Variants in SLC8A1 observed in about 807,000 individuals in gnomAD.
SLC8A1 encodes the protein sodium/calcium exchanger 1.
Under a neutral mutation model 68.3 loss-of-function variants are expected in SLC8A1, and 18 were observed. The observed-to-expected ratio is 0.26, with a 90% confidence interval of 0.18 to 0.39. SLC8A1 has a LOEUF of 0.39. SLC8A1 is among the 10% of genes least tolerant of loss of function. The pLI, the probability that SLC8A1 is intolerant of heterozygous loss-of-function variation, is 1.00. For synonymous variants in SLC8A1, 475 were observed against 415.5 expected (o/e 1.14, Z -1.74); for missense variants, 985 against 1,156.7 (o/e 0.85, Z 2.15).
At chr2:40,123,827 T>C (rs2037466399) in intron 7 of SLC8A1, among the ~76,000 whole-genome samples, 1 of 152,260 alleles carries the variant, frequency 6.6e-6, no homozygotes, top group African/African-American at 2.4e-5. Flanking sequence ...AATTGTCATT[T>C]TCCCAAGCCA....
chr2:40,195,017 G>T (rs2052685792), intron 2 of SLC8A1, among the ~76,000 whole-genome samples: 1 of 152,110 alleles, frequency 6.6e-6, no homozygotes, highest in Non-Finnish European at 1.5e-5. Context: ...GTAGAATGGA[G>T]GATAAAACAG....
At chr2:40,249,510 C>T (rs1251816886) in intron 2 of SLC8A1, among the ~76,000 whole-genome samples, 2 of 152,160 alleles carry the variant, frequency 1.3e-5, no homozygotes, top group Non-Finnish European at 2.9e-5. Flanking sequence ...GAGGCCTGTG[C>T]CACAGTCTCC....
Position 40,279,819 on chromosome 2 carries a change from A to G in SLC8A1, c.1809-101964T>C, listed in dbSNP as rs908114363. 2.0e-4 allele frequency among the ~76,000 whole-genome samples: 30 copies of G among 152,182 alleles called. 1 individual carries two copies. The highest frequency in any genetic ancestry group is 3.9e-4 in the Admixed American group (6 of 15,276). On this transcript the variant is annotated intron_variant, in intron 2 of 7. Coordinates refer to ENST00000406785, the Ensembl canonical transcript of SLC8A1. ...GAGCTCTCACGTGCCCCCAACATGC[A>G]CAGTTCACTAAAAATCTGTAGCTCA...
chr2:40,373,064 T>C (rs890627877), intron 2 of SLC8A1, among the ~76,000 whole-genome samples: 4 of 151,876 alleles, frequency 2.6e-5, no homozygotes, highest in African/African-American at 9.7e-5. Context: ...GTCCTAGCCA[T>C]AAATTGAAGA....
chr2:40,366,891 A>G (rs1053307628), intron 2 of SLC8A1, among the ~76,000 whole-genome samples: 77 of 152,198 alleles, frequency 5.1e-4, no homozygotes, highest in African/African-American at 1.8e-3. Context: ...CATGGCAGCA[A>G]CTAACAAGTT....
chr2:40,383,420 T>A (rs1392241054), intron 2 of SLC8A1, among the ~76,000 whole-genome samples: 1 of 152,080 alleles, frequency 6.6e-6, no homozygotes, highest in Non-Finnish European at 1.5e-5. Flanking sequence ...CCCAAAGACA[T>A]TTGGTGACTG....
rs539324653 is a variant in SLC8A1 at position 40,137,120 on chromosome 2, TG to T, written c.2437+2280del. Among the ~76,000 whole-genome samples the T allele has an allele frequency of 1.3e-4, 20 of 152,324 alleles. No homozygotes were observed. The South Asian group carries it at 4.1e-3, about 32-fold the overall frequency. On this transcript the variant is annotated intron_variant, in intron 7 of 7. Transcript: ENST00000406785. ...AGTGACTCCTCTAAACATGAAGGTTTGCTGTAATCCATAATTCATATTATAG... is the reference window on the plus strand; with the variant it reads ...AGTGACTCCTCTAAACATGAAGGTTTCTGTAATCCATAATTCATATTATAG...
intron 1 of SLC8A1, among the ~76,000 whole-genome samples, chr2:40,438,636 C>T (rs576434916): frequency 4.6e-5 from 7 of 152,214 alleles, no homozygotes; most frequent in South Asian, 4.1e-4. Flanking sequence ...AGGATGACAA[C>T]GGCTAGAGAA....
chr2:40,296,535 C>A (rs1290821739), intron 2 of SLC8A1, among the ~76,000 whole-genome samples: 1 of 152,052 alleles, frequency 6.6e-6, no homozygotes, highest in African/African-American at 2.4e-5. Flanking sequence ...TATTTGTAAT[C>A]CAATTTGTGG....
chr2:40,215,339 A>T (rs534757813), intron 2 of SLC8A1, among the ~76,000 whole-genome samples: 13 of 152,092 alleles, frequency 8.5e-5, no homozygotes, highest in African/African-American at 1.4e-4. Flanking sequence ...CTAATTTTTT[A>T]AAAAATGTTA....
At chr2:40,283,731 C>T in intron 2 of SLC8A1, among the ~76,000 whole-genome samples, 1 of 152,198 alleles carries the variant, frequency 6.6e-6, no homozygotes, top group Non-Finnish European at 1.5e-5. Flanking sequence ...AGCAAAACAA[C>T]TCATTCTCTA....
chr2:40,298,269 A>G (rs1485269804), intron 2 of SLC8A1, among the ~76,000 whole-genome samples: 2 of 152,220 alleles, frequency 1.3e-5, no homozygotes, highest in African/African-American at 4.8e-5. Flanking sequence ...TATCAAACAC[A>G]AATTGGCTAC....
chr2:40,511,950 A>G (rs1706756309), intron 1 of SLC8A1, among the ~76,000 whole-genome samples: 1 of 152,184 alleles, frequency 6.6e-6, no homozygotes, highest in Non-Finnish European at 1.5e-5. Flanking sequence ...TGGCTTGAGA[A>G]CAAGCAAGGA....
At chr2:40,182,032 C>T (rs756876360) in intron 2 of SLC8A1, among the ~76,000 whole-genome samples, 37 of 152,182 alleles carry the variant, frequency 2.4e-4, no homozygotes, top group Non-Finnish European at 4.3e-4. Flanking sequence ...CAGTTGGCCC[C>T]ATTGCCACAC....
intron 6 of SLC8A1, among the ~76,000 whole-genome samples, chr2:40,149,677 A>T (rs1451816509): frequency 6.6e-6 from 1 of 152,142 alleles, no homozygotes; most frequent in Non-Finnish European, 1.5e-5. Flanking sequence ...TCCCAACTTC[A>T]ATTTCTCCAT....
chr2:40,455,702 G>T (rs1359716890), upstream of SLC8A1, among the ~76,000 whole-genome samples: 1 of 152,132 alleles, frequency 6.6e-6, no homozygotes, highest in Non-Finnish European at 1.5e-5. Flanking sequence ...TTTGCTTTGG[G>T]GATGACTTTG....
exon 8 of SLC8A1, chr2:40,105,755 A>G (rs1488319808): frequency 6.6e-6 from 1 of 151,584 alleles, no homozygotes; most frequent in African/African-American, 2.4e-5. Context: ...AAGAAAAAAA[A>G]TACTTCTGGC....
chr2:40,304,063 C>A (rs114174128), intron 2 of SLC8A1, among the ~76,000 whole-genome samples: 2,426 of 152,266 alleles, frequency 0.016, 60 homozygotes, highest in African/African-American at 0.056. Context: ...GGAGCTGTTG[C>A]ATAAATGCAA....
At chr2:40,503,777 G>C (rs569640896) in intron 1 of SLC8A1, among the ~76,000 whole-genome samples, 1 of 151,802 alleles carries the variant, frequency 6.6e-6, no homozygotes, top group South Asian at 2.1e-4. Context: ...CAATGAAAAC[G>C]ATAAAACATT....
Sources: allele counts gnomAD v4.1 joint callset (sites outside exome capture counted in the v4.1 genomes callset), GRCh38; gene constraint gnomAD v4.1.1; transcripts MANE v1.5; gene names NCBI Gene and HGNC (gene_info 2026-07-23, HGNC 2026-07-21).